PRIMA1: variants seen among roughly 807,000 people sequenced by gnomAD.
PRIMA1 encodes the protein proline rich membrane anchor 1.
PRIMA1 carries 7 observed loss-of-function variants against 17.5 expected under a neutral mutation model. That is an observed-to-expected ratio of 0.40 (90% confidence interval 0.23 to 0.75). The LOEUF (loss-of-function observed/expected upper bound fraction) is 0.75, where lower values mean the gene tolerates loss of function less well. Ranked by LOEUF, PRIMA1 falls within the 30% of genes least tolerant of loss-of-function variation. The pLI is 0.37. For missense variants in PRIMA1, 200 were observed against 201.8 expected (o/e 0.99, Z 0.05); for synonymous variants, 97 against 77.9 (o/e 1.25, Z -1.29).
At chr14:93,740,406 G>A (rs1479986233) in intron 3 of PRIMA1, among the ~76,000 whole-genome samples, 1 of 152,210 alleles carries the variant, frequency 6.6e-6, no homozygotes, top group African/African-American at 2.4e-5. Context: ...TACACTCTGG[G>A]AAGTCAGAAG....
Position 93,772,445 on chromosome 14 carries a change from T to C in PRIMA1, c.229+6731A>G, listed in dbSNP as rs959365233. Reference sequence around the variant, plus strand: ...TTGGAAGCAGGTCTCACAGAGGGCGTGTGTGTGCTTTGCTTGAGGGCTGGT... The same window carrying C: ...TTGGAAGCAGGTCTCACAGAGGGCGCGTGTGTGCTTTGCTTGAGGGCTGGT... On this transcript the variant is annotated intron_variant, in intron 3 of 4. Transcript: ENST00000393140. Among the ~76,000 whole-genome samples the C allele has an allele frequency of 2.4e-4, 36 of 152,224 alleles. 1 individual carries two copies. The highest frequency in any genetic ancestry group is 7.7e-4 in the African/African-American group (32 of 41,470).
At chr14:93,765,586 G>A (rs982614399) in intron 3 of PRIMA1, among the ~76,000 whole-genome samples, 2 of 151,908 alleles carry the variant, frequency 1.3e-5, no homozygotes, top group East Asian at 3.9e-4. Flanking sequence ...CGAGGGCAAA[G>A]CTCCTTTCTG....
rs1177147393 is a variant in PRIMA1 at position 93,737,622 on chromosome 14, T to C, written c.230-252A>G. On this transcript the variant is annotated intron_variant, in intron 3 of 4. Transcript: ENST00000393140. The stretch of plus-strand genomic sequence containing the variant: ...AACAGAGGCGTGGGGAGGTCACTGG[T>C]GGGACCATTATGGGTGACACCAACA... Among the ~76,000 whole-genome samples the C allele has an allele frequency of 2.0e-5, 3 of 151,456 alleles. No homozygotes were observed. In the East Asian group the frequency reaches 5.9e-4, roughly 30 times the overall value.
At chr14:93,741,022 G>A (rs113350276) in intron 3 of PRIMA1, among the ~76,000 whole-genome samples, 100 of 152,290 alleles carry the variant, frequency 6.6e-4, no homozygotes, top group African/African-American at 2.3e-3. Context: ...ATCCTGCACA[G>A]GGTCCCCTCT....
chr14:93,740,056 C>A (rs2076175289), intron 3 of PRIMA1, among the ~76,000 whole-genome samples: 1 of 85,458 alleles, frequency 1.2e-5, no homozygotes, highest in African/African-American at 3.5e-5. Flanking sequence ...CAGAGCAAGA[C>A]TCCAGCTAAA....
intron 2 of PRIMA1, among the ~76,000 whole-genome samples, chr14:93,785,955 C>G (rs893082662): frequency 2.6e-5 from 4 of 152,088 alleles, no homozygotes; most frequent in Non-Finnish European, 4.4e-5. Flanking sequence ...CTGAAGGACA[C>G]TTAAAAAACT....
At chr14:93,785,588 T>G (rs1273429924) in intron 2 of PRIMA1, among the ~76,000 whole-genome samples, 1 of 152,190 alleles carries the variant, frequency 6.6e-6, no homozygotes, top group Non-Finnish European at 1.5e-5. Flanking sequence ...ACAGATTTTA[T>G]TTTCCCCACT....
At chr14:93,777,440 A>C (rs558933517) in intron 3 of PRIMA1, among the ~76,000 whole-genome samples, 1 of 152,060 alleles carries the variant, frequency 6.6e-6, no homozygotes, top group Non-Finnish European at 1.5e-5. Context: ...GGGTTCAAGC[A>C]ATTCTCCTGC....
At chr14:93,775,537 T>G (rs542312637) in intron 3 of PRIMA1, among the ~76,000 whole-genome samples, 1 of 152,360 alleles carries the variant, frequency 6.6e-6, no homozygotes, top group South Asian at 2.1e-4. Flanking sequence ...ACGCTCTTAT[T>G]GCCCAGGCTG....
intron 3 of PRIMA1, among the ~76,000 whole-genome samples, chr14:93,738,215 G>A (rs1011227226): frequency 3.9e-5 from 6 of 152,158 alleles, no homozygotes; most frequent in Non-Finnish European, 8.8e-5. Context: ...GGGTGAACCT[G>A]TCCTCCCTCC....
chr14:93,721,654 G>C, intron 4 of PRIMA1, 108 bp from the exon 5 acceptor site: 1 of 690,356 alleles, frequency 1.4e-6, no homozygotes, highest in Non-Finnish European at 2.6e-6. Flanking sequence ...CCTGCTCCGT[G>C]AGAGTGTCAG....
intron 3 of PRIMA1, 112 bp downstream of exon 3, chr14:93,779,064 C>G: frequency 1.3e-6 from 1 of 757,302 alleles, no homozygotes; most frequent in Non-Finnish European, 2.0e-6. Flanking sequence ...TCCTGCTTGG[C>G]CAGTGGAAAA....
intron 4 of PRIMA1, among the ~76,000 whole-genome samples, chr14:93,722,976 G>A (rs1200255512): frequency 1.3e-5 from 2 of 152,064 alleles, no homozygotes; most frequent in Non-Finnish European, 2.9e-5. Context: ...AAGGGATCAG[G>A]AAGGCTGGGA....
intron 4 of PRIMA1, among the ~76,000 whole-genome samples, chr14:93,735,275 G>C (rs2076142453): frequency 6.6e-6 from 1 of 152,182 alleles, no homozygotes; most frequent in African/African-American, 2.4e-5. Flanking sequence ...CTAGTCACGG[G>C]CAAAGTCACC....
intron 3 of PRIMA1, among the ~76,000 whole-genome samples, chr14:93,752,848 C>A (rs1158531082): frequency 6.6e-6 from 1 of 152,252 alleles, no homozygotes; most frequent in East Asian, 1.9e-4. Flanking sequence ...AAATGCCCAT[C>A]TGCCCAATGG....
intron 2 of PRIMA1, among the ~76,000 whole-genome samples, chr14:93,783,378 C>T (rs559647357): frequency 6.6e-6 from 1 of 152,324 alleles, no homozygotes; most frequent in African/African-American, 2.4e-5. Flanking sequence ...TGGCACAATG[C>T]CCACCAGTGG....
At chr14:93,758,795 G>A (rs2141178121) in intron 3 of PRIMA1, among the ~76,000 whole-genome samples, 1 of 152,150 alleles carries the variant, frequency 6.6e-6, no homozygotes, top group South Asian at 2.1e-4. Context: ...GCAAAGCATT[G>A]TGCAATGGAC....
chr14:93,749,674 T>C (rs1347787271), intron 3 of PRIMA1, among the ~76,000 whole-genome samples: 3 of 152,236 alleles, frequency 2.0e-5, no homozygotes, highest in Non-Finnish European at 4.4e-5. Context: ...CAATGGTATA[T>C]ATTAAACGCC....
intron 2 of PRIMA1, among the ~76,000 whole-genome samples, chr14:93,780,056 A>C (rs2141194538): frequency 2.0e-5 from 3 of 151,902 alleles, no homozygotes; most frequent in Non-Finnish European, 2.9e-5. Context: ...CTCCGGCCCC[A>C]CCTCGTCCCA....
Sources: gnomAD v4.1 joint callset for allele counts (sites outside exome capture counted in the v4.1 genomes callset) on GRCh38, gnomAD v4.1.1 for gene constraint, MANE v1.5 for transcripts, NCBI Gene and HGNC (gene_info 2026-07-23, HGNC 2026-07-21) for gene names.